IGF2R: variants seen among roughly 807,000 people sequenced by gnomAD.
IGF2R encodes the protein insulin like growth factor 2 receptor.
In IGF2R, 91 loss-of-function variants were observed where a neutral mutation model predicts 270.6. The observed-to-expected ratio is 0.34, with a 90% CI of 0.28 to 0.40. IGF2R has a LOEUF of 0.40. Among genes scored for constraint, IGF2R ranks in the 10% least tolerant of loss-of-function variants. The probability of loss-of-function intolerance (pLI) is 1.00; values close to 1 mark genes in which losing one functional copy is unlikely to be tolerated. For missense variants in IGF2R, 2,805 were observed against 3,188.3 expected (o/e 0.88, Z 2.90); for synonymous variants, 1,316 against 1,258.9 (o/e 1.05, Z -0.96).
Position 160,073,840 on chromosome 6 carries a change from T to C in IGF2R, c.5031T>C (p.Asp1677=). The change falls in exon 35 of 48, where the codon GAT becomes GAC. Residue 1677 remains aspartate, a synonymous_variant. Coordinates refer to ENST00000356956, the MANE Select transcript of IGF2R (RefSeq NM_000876.4). ...GCACTGGTGGTTATGAGGCTTATGATGAGAGTGAGGATGATGCCTCCGATA... is the reference window on the plus strand; with the variant it reads ...GCACTGGTGGTTATGAGGCTTATGACGAGAGTGAGGATGATGCCTCCGATA... ...IHRTGGYEAY[D]ESEDDASDTN... 6.2e-7 allele frequency: 1 copy of C among 1,612,734 alleles called. No individual in the cohort carries two copies.
At position 159,974,366 on chromosome 6, in the gene IGF2R, C is replaced by G. The variant is rs148455229; in HGVS notation, c.149+4971C>G. On this transcript the variant is annotated intron_variant, in intron 1 of 47. Transcript: ENST00000356956. ...AAATCATATTTTGTCCCTTTTACCCCTTAAAAATTGTTTTTGGGTTCTTCT... is the reference window on the plus strand; with the variant it reads ...AAATCATATTTTGTCCCTTTTACCCGTTAAAAATTGTTTTTGGGTTCTTCT... 1.7e-4 allele frequency among the ~76,000 whole-genome samples: 26 copies of G among 152,284 alleles called. No individual in the cohort carries two copies. In the East Asian group the frequency reaches 4.6e-3, roughly 27 times the overall value.
intron 4 of IGF2R, among the ~76,000 whole-genome samples, chr6:160,016,386 T>C (rs980739324): frequency 6.6e-6 from 1 of 152,186 alleles, no homozygotes; most frequent in African/African-American, 2.4e-5. Flanking sequence ...TCCACCCAGC[T>C]TTCCTTCCTC....
chr6:160,049,260 C>A (rs1233672476), intron 18 of IGF2R, among the ~76,000 whole-genome samples: 1 of 152,254 alleles, frequency 6.6e-6, no homozygotes, highest in East Asian at 1.9e-4. Flanking sequence ...TATAGTCAGT[C>A]CTCTTTATTC....
chr6:160,059,816 A>G (rs1778395343), intron 22 of IGF2R, among the ~76,000 whole-genome samples: 1 of 152,256 alleles, frequency 6.6e-6, no homozygotes. Context: ...GAATCTTTGT[A>G]CTTGCTCCTC....
Position 160,040,585 on chromosome 6 carries a change from A to G in IGF2R, c.1341A>G (p.Val447=), listed in dbSNP as rs996265035. 2 of 1,613,956 alleles carry G rather than the reference A, an allele frequency of 1.2e-6. No individual in the cohort carries two copies. Among genetic ancestry groups the G allele is most frequent in the East Asian group, 2.2e-5 (1 of 44,880 alleles). Residue 447 remains valine (V), a synonymous_variant, in exon 11 of 48, where the codon GTA becomes GTG. Coordinates refer to ENST00000356956, the MANE Select transcript of IGF2R (RefSeq NM_000876.4). The part of the protein sequence containing the change: ...TAGNDGKGTP[V]FTGEVDCTYF... ...GTAACGATGGGAAAGGAACTCCTGTATTCACAGGGGAGGTTGACTGCACCT... is the reference window on the plus strand; with the variant it reads ...GTAACGATGGGAAAGGAACTCCTGTGTTCACAGGGGAGGTTGACTGCACCT...
intron 25 of IGF2R, 111 bp downstream of exon 25, chr6:160,062,039 A>C: frequency 3.0e-6 from 3 of 986,174 alleles, no homozygotes; most frequent in South Asian, 1.6e-5. Context: ...GTTTTCGTGG[A>C]GTTTCAGCCA....
chr6:160,094,382 G>A (rs775355881), intron 44 of IGF2R: 40 of 214,662 alleles, frequency 1.9e-4, no homozygotes, highest in South Asian at 1.3e-3. Context: ...TCCCTCTGGC[G>A]AGTCTGCCAG....
chr6:160,073,365 A>G lies in IGF2R; in HGVS notation c.4843A>G (p.Arg1615Gly). The change falls in exon 34 of 48, where the codon AGG (arginine) becomes GGG (glycine). Residue 1615 changes from arginine to glycine, a missense_variant. Physicochemically the swap from Arg to Gly is moderately radical, Grantham distance 125. Around this residue, in one of 2 missense-constraint regions of IGF2R, gnomAD observed 1,851 missense variants for 2,207.2 expected, o/e 0.84. Transcript: ENST00000356956. ...SYKSVISFVC[R>G]PEARPTNRPM... ...TAAGAGTGTGATCAGTTTCGTGTGC[A>G]GGCCTGAGGCCAGGCCAACCAATAG... 1 of 1,614,254 alleles carries G rather than the reference A, an allele frequency of 6.2e-7. No individual in the cohort carries two copies. Among genetic ancestry groups the G allele is most frequent in the Non-Finnish European group, 8.5e-7 (1 of 1,180,042 alleles).
At position 160,093,305 on chromosome 6, in the gene IGF2R, C is replaced by T. The variant is rs887145850; in HGVS notation, c.6656-3134C>T. The T allele has an allele frequency of 1.7e-5, 4 of 235,816 alleles. No homozygotes were observed. In the South Asian group the frequency reaches 2.0e-4, roughly 12 times the overall value. 14.6% of individuals were successfully genotyped at this position (235,816 alleles called of 1,614,324 possible). A position where few individuals can be genotyped will look rare whatever the true frequency, so the allele number is the denominator to read the frequency against. On this transcript the variant is annotated intron_variant, in intron 44 of 47. Coordinates refer to ENST00000356956, the MANE Select transcript of IGF2R (RefSeq NM_000876.4). Reference sequence around the variant, plus strand: ...GGTACTGCATGGCCAGCCCCTGCTCCGTATCCTGTCATTAGCCAAGGAGCA... The same window carrying T: ...GGTACTGCATGGCCAGCCCCTGCTCTGTATCCTGTCATTAGCCAAGGAGCA...
Position 160,051,949 on chromosome 6 carries a change from G to A in IGF2R, c.2694+1297G>A, listed in dbSNP as rs561373447. Among the ~76,000 whole-genome samples, 364 of 150,964 alleles carry A rather than the reference G, an allele frequency of 2.4e-3. 2 individuals are homozygous for A. In the Middle Eastern group the frequency reaches 0.034, roughly 14 times the overall value. ...AGCCTGGGAGACAAAGCGAGCCCCT[G>A]TCTCAAAAAAAAAAAATTGGGAGGC... On this transcript the variant is annotated intron_variant, in intron 19 of 47. Transcript: ENST00000356956.
intron 30 of IGF2R, among the ~76,000 whole-genome samples, chr6:160,069,083 A>G (rs1778656740): frequency 6.6e-6 from 1 of 152,038 alleles, no homozygotes; most frequent in African/African-American, 2.4e-5. Flanking sequence ...GTGCCTGCGT[A>G]TGTTGAGAGT....
Position 160,050,371 on chromosome 6 carries a change from T to A in IGF2R, c.2515-102T>A. 8.5e-7 allele frequency: 1 copy of A among 1,170,236 alleles called. No individual in the cohort carries two copies. The highest frequency in any genetic ancestry group is 2.2e-5 in the Admixed American group (1 of 46,480). 72.5% of individuals were successfully genotyped at this position (1,170,236 alleles called of 1,614,324 possible). A position where few individuals can be genotyped will look rare whatever the true frequency, so the allele number is the denominator to read the frequency against. On this transcript the variant is annotated intron_variant, in intron 18 of 47. Coordinates refer to ENST00000356956, the MANE Select transcript of IGF2R (RefSeq NM_000876.4). This position sits in a 1 kb window ranked among gnomAD's most constrained non-coding sequence, Gnocchi z 4.0. ...CCAGGAGCAGTGGTTCTGTATTCAA[T>A]AATTCATTGTTTGCTGCAGCTTTAT...
chr6:160,095,988 G>A (rs946188698), intron 44 of IGF2R: 1 of 152,820 alleles, frequency 6.5e-6, no homozygotes, highest in Non-Finnish European at 1.5e-5. Context: ...GTGTCAGTTG[G>A]ACTTTGTGAT....
intron 7 of IGF2R, among the ~76,000 whole-genome samples, chr6:160,031,529 G>A (rs1006811034): frequency 2.0e-5 from 3 of 151,888 alleles, no homozygotes; most frequent in African/African-American, 7.3e-5. Context: ...CTGTCTCTGT[G>A]GATTGGCCTT....
chr6:160,101,406 T>C (rs980287958), intron 45 of IGF2R, among the ~76,000 whole-genome samples: 1 of 152,210 alleles, frequency 6.6e-6, no homozygotes, highest in African/African-American at 2.4e-5. Context: ...TGCTTCTTTC[T>C]GAGCAGAGGT....
intron 18 of IGF2R, 33 bp downstream of exon 18, chr6:160,048,576 C>G: frequency 6.2e-7 from 1 of 1,602,162 alleles, no homozygotes; most frequent in Non-Finnish European, 8.5e-7. Flanking sequence ...TCTCCTTTGC[C>G]CTCCTAATTC....
chr6:160,075,657 A>G (rs998360732), intron 35 of IGF2R, among the ~76,000 whole-genome samples, 190 bp from the exon 36 acceptor site: 1 of 152,210 alleles, frequency 6.6e-6, no homozygotes, highest in Admixed American at 6.5e-5. Flanking sequence ...ATAACCACTG[A>G]CATACGGAGG....
chr6:160,048,797 G>A (rs1778128593), intron 18 of IGF2R, among the ~76,000 whole-genome samples: 1 of 152,212 alleles, frequency 6.6e-6, no homozygotes, highest in South Asian at 2.1e-4. Flanking sequence ...AGGAAGCACC[G>A]AATGGTTATG....
At chr6:160,047,044 C>T (rs917042573) in intron 15 of IGF2R, 115 bp from the exon 16 acceptor site, 12 of 925,272 alleles carry the variant, frequency 1.3e-5, no homozygotes, top group South Asian at 5.8e-5. Flanking sequence ...GTCTGCAGCC[C>T]GGGCCTGGTT....
Sources: allele counts gnomAD v4.1 joint callset (sites outside exome capture counted in the v4.1 genomes callset), GRCh38; gene constraint gnomAD v4.1.1; regional missense constraint gnomAD v4.1.1; non-coding constraint Gnocchi (gnomAD v3.1); transcripts MANE v1.5; gene names NCBI Gene and HGNC (gene_info 2026-07-23, HGNC 2026-07-21).